Variants in LMX1B observed in about 807,000 individuals in gnomAD.
The protein encoded by LMX1B is LIM homeobox transcription factor 1-beta.
In LMX1B, 12 loss-of-function variants were observed where a neutral mutation model predicts 51.4. The ratio of observed to expected loss-of-function variants is 0.23; its 90% confidence interval spans 0.15 to 0.38. The LOEUF (loss-of-function observed/expected upper bound fraction) is 0.38, where lower values mean the gene tolerates loss of function less well. Ranked by LOEUF, LMX1B falls within the 10% of genes least tolerant of loss-of-function variation. LMX1B has a pLI of 1.00. For synonymous variants in LMX1B, 237 were observed against 235.4 expected (o/e 1.01, Z -0.06); for missense variants, 445 against 571.1 (o/e 0.78, Z 2.25).
intron 2 of LMX1B, among the ~76,000 whole-genome samples, chr9:126,646,434 C>T (rs1835903320): frequency 1.3e-5 from 2 of 152,204 alleles, no homozygotes; most frequent in Non-Finnish European, 2.9e-5. Context: ...CCAGCCCTCC[C>T]TCTGTCTTTC....
At chr9:126,620,985 C>A (rs1835399578) in intron 2 of LMX1B, among the ~76,000 whole-genome samples, 1 of 152,188 alleles carries the variant, frequency 6.6e-6, no homozygotes, top group Non-Finnish European at 1.5e-5. Flanking sequence ...ATTCCAGGAA[C>A]TCAGAAGGCC....
At chr9:126,662,899 G>T (rs558950142) in intron 2 of LMX1B, among the ~76,000 whole-genome samples, 2 of 152,326 alleles carry the variant, frequency 1.3e-5, no homozygotes, top group South Asian at 4.1e-4. Flanking sequence ...ACAGACAGAG[G>T]AGACTGGGGC....
rs529383836 is a variant in LMX1B at position 126,660,104 on chromosome 9, T to C, written c.327-30732T>C. 3.5e-5 allele frequency among the ~76,000 whole-genome samples: 4 copies of C among 113,046 alleles called. No homozygotes were observed. In the East Asian group the frequency reaches 9.0e-4, roughly 25 times the overall value. 74.2% of individuals were successfully genotyped at this position (113,046 alleles called of 152,430 possible). A position where few individuals can be genotyped will look rare whatever the true frequency, so the allele number is the denominator to read the frequency against. ...CTTCAGAGGTTGTCCTGTGTGGGGG[T>C]GTCTACACTGCCCTTAGAGATTGTC... On this transcript the variant is annotated intron_variant, in intron 2 of 7. Transcript: ENST00000373474.
At chr9:126,667,213 C>G (rs183284671) in intron 2 of LMX1B, among the ~76,000 whole-genome samples, 9 of 152,312 alleles carry the variant, frequency 5.9e-5, no homozygotes, top group Admixed American at 5.9e-4. Flanking sequence ...TTGATGGGAT[C>G]CATATTTCCT....
chr9:126,642,338 G>A (rs912364297), intron 2 of LMX1B, among the ~76,000 whole-genome samples: 4 of 152,160 alleles, frequency 2.6e-5, no homozygotes, highest in African/African-American at 9.7e-5. Context: ...GCCCCTTCCA[G>A]AGAGATTGCA....
chr9:126,693,149 C>G lies in LMX1B; in HGVS notation c.567C>G (p.Ser189Arg), dbSNP rs888415511. 6.3e-7 allele frequency: 1 copy of G among 1,576,724 alleles called. No individual in the cohort carries two copies. The highest frequency in any genetic ancestry group is 8.6e-7 in the Non-Finnish European group (1 of 1,161,596). Reference protein sequence around the residue: ...VSPDESDSVKSEDEDGDMKPA... With the variant: ...VSPDESDSVKREDEDGDMKPA... Reference sequence around the variant, plus strand: ...GGGTTGTGTCCCCCACAGTGAAGAGCGAGGATGAAGATGGGGACATGAAGC... The same window carrying G: ...GGGTTGTGTCCCCCACAGTGAAGAGGGAGGATGAAGATGGGGACATGAAGC... Residue 189 changes from serine to arginine, a missense_variant, in exon 4 of 8, where the codon AGC becomes AGG. Physicochemically the swap from Ser to Arg is moderately radical, Grantham distance 110 (BLOSUM62 -1). Around this residue, in one of 3 missense-constraint regions of LMX1B, gnomAD observed 273 missense variants for 343.3 expected, o/e 0.80. Transcript: ENST00000373474.
intron 2 of LMX1B, among the ~76,000 whole-genome samples, chr9:126,660,213 G>A (rs10987399): frequency 0.05 from 4,161 of 83,990 alleles, 12 homozygotes; most frequent in Non-Finnish European, 0.06. Context: ...CCTGTGTGGG[G>A]GTGTCTACAC....
At chr9:126,678,308 T>G (rs1376069794) in intron 2 of LMX1B, among the ~76,000 whole-genome samples, 1 of 105,806 alleles carries the variant, frequency 9.5e-6, no homozygotes, top group East Asian at 2.4e-4. Context: ...AGACTTCGTC[T>G]CAAAAAAAAA....
chr9:126,692,645 G>A lies in LMX1B; in HGVS notation c.560-497G>A, dbSNP rs370451703. Among the ~76,000 whole-genome samples the A allele has an allele frequency of 4.6e-5, 7 of 152,368 alleles. No homozygotes were observed. The South Asian group carries it at 1.0e-3, about 23-fold the overall frequency. On this transcript the variant is annotated intron_variant, in intron 3 of 7. Coordinates refer to ENST00000373474, the MANE Select transcript of LMX1B (RefSeq NM_001174147.2). Reference sequence around the variant, plus strand: ...GAGTGTGCATCTTACGAGTGTGTGCGTGCATACGCTGTGGTCAGAAGCACT... The same window carrying A: ...GAGTGTGCATCTTACGAGTGTGTGCATGCATACGCTGTGGTCAGAAGCACT...
In LMX1B at chr9:126,625,679, G is replaced by A. The variant is rs1835511840; in HGVS notation, c.326+10110G>A. Among the ~76,000 whole-genome samples the A allele has an allele frequency of 6.6e-6, 1 of 152,322 alleles. No homozygotes were observed. The highest frequency in any genetic ancestry group is 6.5e-5 in the Admixed American group (1 of 15,306). ...CCCACGGAAACCCTCTTCTCCGCCA[G>A]GCCCGTGGCGCCTTTCTCGCCACCT... On this transcript the variant is annotated intron_variant, in intron 2 of 7. Coordinates refer to ENST00000373474, the MANE Select transcript of LMX1B (RefSeq NM_001174147.2). This position sits in a 1 kb window ranked among gnomAD's most constrained non-coding sequence, Gnocchi z 5.3.
intron 3 of LMX1B, among the ~76,000 whole-genome samples, chr9:126,691,660 A>C (rs966386388): frequency 6.7e-6 from 1 of 149,450 alleles, no homozygotes; most frequent in South Asian, 2.1e-4. Flanking sequence ...CCCGCAGCCC[A>C]GCTCCACAGG....
chr9:126,693,385 G>A (rs771890387), intron 4 of LMX1B, 62 bp downstream of exon 4: 80 of 1,558,918 alleles, frequency 5.1e-5, no homozygotes, highest in East Asian at 1.4e-4. Context: ...CCTTTCTGGA[G>A]ACCACCCCCT....
intron 2 of LMX1B, among the ~76,000 whole-genome samples, chr9:126,670,412 T>C (rs565699605): frequency 7.9e-5 from 12 of 152,342 alleles, no homozygotes; most frequent in African/African-American, 9.6e-5. Context: ...CGTATGAGCA[T>C]GCATGTGAGT....
At chr9:126,634,307 G>A (rs1215696229) in intron 2 of LMX1B, among the ~76,000 whole-genome samples, 6 of 152,156 alleles carry the variant, frequency 3.9e-5, no homozygotes, top group South Asian at 2.1e-4. Flanking sequence ...TGACGGGGTC[G>A]CCATGGAGAG....
At chr9:126,638,749 G>A (rs1161823763) in intron 2 of LMX1B, among the ~76,000 whole-genome samples, 3 of 152,194 alleles carry the variant, frequency 2.0e-5, no homozygotes. Flanking sequence ...CTCTCCCGGG[G>A]GAGCCGGTGA....
intron 2 of LMX1B, among the ~76,000 whole-genome samples, chr9:126,633,178 G>A (rs1835661045): frequency 6.6e-6 from 1 of 152,192 alleles, no homozygotes; most frequent in East Asian, 1.9e-4. Context: ...CGTCCTCCAG[G>A]CTTGGATCTG....
chr9:126,632,414 C>T (rs1481528833), intron 2 of LMX1B, among the ~76,000 whole-genome samples: 1 of 151,956 alleles, frequency 6.6e-6, no homozygotes, highest in Non-Finnish European at 1.5e-5. Flanking sequence ...GTGAGTCTGG[C>T]GGAGGGGCTG....
intron 2 of LMX1B, among the ~76,000 whole-genome samples, chr9:126,669,556 CTT>C (rs1836412143): frequency 6.6e-6 from 1 of 152,136 alleles, no homozygotes; most frequent in African/African-American, 2.4e-5. Context: ...TTTGACGCGT[CTT>C]GTTTGTCCAG....
intron 2 of LMX1B, among the ~76,000 whole-genome samples, chr9:126,682,083 CTTTTTTTTTTTT>C (rs71377953): frequency 9.4e-5 from 5 of 53,380 alleles, no homozygotes; most frequent in Admixed American, 5.7e-4. Context: ...TCCCCAGGGT[CTTTTTTTTTTTT>C]TTTTTTTTTT....
Sources: allele counts gnomAD v4.1 joint callset (sites outside exome capture counted in the v4.1 genomes callset), GRCh38; gene constraint gnomAD v4.1.1; regional missense constraint gnomAD v4.1.1; non-coding constraint Gnocchi (gnomAD v3.1); transcripts MANE v1.5; gene names NCBI Gene and HGNC (gene_info 2026-07-23, HGNC 2026-07-21).